CCSER1: variants seen among roughly 807,000 people sequenced by gnomAD.
CCSER1 encodes the protein coiled-coil serine rich protein 1.
In CCSER1, 41 loss-of-function variants were observed where a neutral mutation model predicts 82.0. That is an observed-to-expected ratio of 0.50 (90% CI 0.39 to 0.65). The LOEUF is 0.65. Ranked by LOEUF, CCSER1 falls within the 30% of genes least tolerant of loss-of-function variation. CCSER1 has a pLI of 0.00. For missense variants in CCSER1, 1,119 were observed against 1,064.2 expected (o/e 1.05, Z -0.72); for synonymous variants, 414 against 383.9 (o/e 1.08, Z -0.92).
At chr4:90,703,901 C>A (rs1343940599) in intron 6 of CCSER1, among the ~76,000 whole-genome samples, 1 of 152,142 alleles carries the variant, frequency 6.6e-6, no homozygotes, top group Non-Finnish European at 1.5e-5. Flanking sequence ...GAATACAGCA[C>A]ACTGATGGGT....
chr4:90,322,476 T>A (rs942249461), intron 3 of CCSER1, among the ~76,000 whole-genome samples: 1 of 152,188 alleles, frequency 6.6e-6, no homozygotes, highest in Non-Finnish European at 1.5e-5. Context: ...TTTTGAATTG[T>A]TACATCAAAA....
At chr4:90,746,566 G>A (rs945917224) in intron 7 of CCSER1, among the ~76,000 whole-genome samples, 3 of 152,142 alleles carry the variant, frequency 2.0e-5, no homozygotes, top group East Asian at 1.9e-4. Context: ...CTCTAACTTG[G>A]TGTAGGGAAT....
At chr4:90,172,796 G>GAAAT (rs1731960809) in intron 1 of CCSER1, among the ~76,000 whole-genome samples, 1 of 151,836 alleles carries the variant, frequency 6.6e-6, no homozygotes, top group Non-Finnish European at 1.5e-5. Context: ...ATAGTAAAAT[G>GAAAT]AAATAGTGAC....
chr4:91,369,057 C>T (rs1749836416), intron 10 of CCSER1, among the ~76,000 whole-genome samples: 1 of 152,144 alleles, frequency 6.6e-6, no homozygotes, highest in South Asian at 2.1e-4. Context: ...GAAGTGACTT[C>T]CATGTGTTCT....
At position 91,374,013 on chromosome 4, in the gene CCSER1, A is replaced by G. The variant is rs548815955; in HGVS notation, c.2218-224559A>G. ...GGTTCTAACTGTCTTCAATTTTATG[A>G]AGGCTGAGAGAGGTGAAGAAGTCAC... On this transcript the variant is annotated intron_variant, in intron 10 of 10. Coordinates refer to ENST00000509176, the MANE Select transcript of CCSER1 (RefSeq NM_001145065.2). 9.2e-5 allele frequency among the ~76,000 whole-genome samples: 14 copies of G among 152,302 alleles called. 1 individual carries two copies. In the South Asian group the frequency reaches 2.9e-3, roughly 32 times the overall value.
chr4:90,872,466 A>C (rs1766659024), intron 8 of CCSER1, among the ~76,000 whole-genome samples: 1 of 152,000 alleles, frequency 6.6e-6, no homozygotes, highest in African/African-American at 2.4e-5. Context: ...TAAACAACAA[A>C]AATAGCAAGC....
At chr4:91,211,659 A>G (rs1416666842) in intron 10 of CCSER1, among the ~76,000 whole-genome samples, 1 of 152,074 alleles carries the variant, frequency 6.6e-6, no homozygotes, top group East Asian at 1.9e-4. Flanking sequence ...AAATGACTTT[A>G]GCTTTAGCTT....
intron 6 of CCSER1, among the ~76,000 whole-genome samples, chr4:90,718,624 T>C (rs1742111165): frequency 6.6e-6 from 1 of 152,130 alleles, no homozygotes; most frequent in African/African-American, 2.4e-5. Flanking sequence ...GATTCTCTGA[T>C]GGAGAGATTT....
At chr4:90,377,654 C>T (rs10029357) in intron 3 of CCSER1, among the ~76,000 whole-genome samples, 6 of 151,928 alleles carry the variant, frequency 3.9e-5, no homozygotes, top group South Asian at 2.1e-4. Context: ...TTTTTGGAAA[C>T]GTAAATATTA....
At chr4:90,476,086 C>G (rs1339314339) in intron 5 of CCSER1, among the ~76,000 whole-genome samples, 1 of 151,710 alleles carries the variant, frequency 6.6e-6, no homozygotes, top group East Asian at 1.9e-4. Context: ...GTTTTGAGAT[C>G]CCTCCAGATT....
intron 1 of CCSER1, among the ~76,000 whole-genome samples, chr4:90,255,936 A>G (rs935137498): frequency 4.6e-5 from 7 of 152,174 alleles, no homozygotes; most frequent in African/African-American, 1.7e-4. Context: ...ATGTTTATGT[A>G]ACTTATCTAA....
intron 10 of CCSER1, among the ~76,000 whole-genome samples, chr4:91,440,675 C>T (rs187108302): frequency 6.6e-6 from 1 of 152,104 alleles, no homozygotes; most frequent in Non-Finnish European, 1.5e-5. Context: ...ATTAATGAAT[C>T]CAGGAGCTGT....
intron 10 of CCSER1, among the ~76,000 whole-genome samples, chr4:91,598,129 T>C (rs1578891440): frequency 1.3e-5 from 2 of 152,330 alleles, no homozygotes; most frequent in African/African-American, 4.8e-5. Context: ...ATCATGATAC[T>C]GATAATTCTA....
At position 91,392,188 on chromosome 4, in the gene CCSER1, C is replaced by T. The variant is rs527940710; in HGVS notation, c.2218-206384C>T. 1.3e-4 allele frequency among the ~76,000 whole-genome samples: 20 copies of T among 151,876 alleles called. 1 individual carries two copies. In the South Asian group the frequency reaches 2.9e-3, roughly 22 times the overall value. ...AAAAGTATTTTAAAAATTGACATCT[C>T]GTAAAAGATATCTCTTGAAAAATAT... On this transcript the variant is annotated intron_variant, in intron 10 of 10. Coordinates refer to ENST00000509176, the MANE Select transcript of CCSER1 (RefSeq NM_001145065.2).
rs1180411799 is a variant in CCSER1, at chr4:91,483,009, G to A, written c.2218-115563G>A. Among the ~76,000 whole-genome samples the A allele has an allele frequency of 2.0e-5, 3 of 151,796 alleles. No individual in the cohort carries two copies. In the South Asian group the frequency reaches 6.3e-4, roughly 32 times the overall value. ...ACCTAATGTAAATGAGGAGTTAATG[G>A]GTGCAGCACACCAACATGGCACATG... is the stretch of plus-strand genomic sequence containing the variant. On this transcript the variant is annotated intron_variant, in intron 10 of 10. Transcript: ENST00000509176.
At chr4:90,364,243 C>G (rs17016901) in intron 3 of CCSER1, among the ~76,000 whole-genome samples, 26,968 of 151,804 alleles carry the variant, frequency 0.18, 3,070 homozygotes, top group East Asian at 0.5. Flanking sequence ...TGAGCCTTTT[C>G]AAATTGTCTG....
intron 8 of CCSER1, among the ~76,000 whole-genome samples, chr4:90,870,821 T>A (rs1766382285): frequency 6.7e-6 from 1 of 150,310 alleles, no homozygotes; most frequent in African/African-American, 2.4e-5. Context: ...TTGGCTTTTT[T>A]TTTTTTTTTT....
intron 9 of CCSER1, among the ~76,000 whole-genome samples, chr4:91,023,790 A>G (rs997600798): frequency 6.6e-6 from 1 of 152,228 alleles, no homozygotes; most frequent in African/African-American, 2.4e-5. Context: ...ATGGCAACAA[A>G]AGCCAAAATT....
intron 4 of CCSER1, among the ~76,000 whole-genome samples, chr4:90,423,971 G>A (rs932975719): frequency 4.0e-5 from 6 of 150,820 alleles, no homozygotes; most frequent in African/African-American, 1.2e-4. Context: ...GGCGCCTGTA[G>A]TACCAGCTAC....
Sources: allele counts gnomAD v4.1 joint callset (sites outside exome capture counted in the v4.1 genomes callset), GRCh38; gene constraint gnomAD v4.1.1; transcripts MANE v1.5; gene names NCBI Gene and HGNC (gene_info 2026-07-23, HGNC 2026-07-21).